Variants in ARHGAP29 observed in about 807,000 individuals in gnomAD.
ARHGAP29 encodes rho GTPase-activating protein 29.
Under a neutral mutation model 122.6 loss-of-function variants are expected in ARHGAP29, and 43 were observed. The ratio of observed to expected loss-of-function variants is 0.35; its 90% CI spans 0.27 to 0.45. The LOEUF (loss-of-function observed/expected upper bound fraction) is 0.45. ARHGAP29 is among the 20% of genes least tolerant of loss of function. The probability of loss-of-function intolerance (pLI) is 1.00; values close to 1 mark genes in which losing one functional copy is unlikely to be tolerated. For synonymous variants in ARHGAP29, 506 were observed against 497.1 expected (o/e 1.02, Z -0.24); for missense variants, 1,303 against 1,477.2 (o/e 0.88, Z 1.93).
At chr1:94,211,278 C>G (rs1324880161) in intron 3 of ARHGAP29, among the ~76,000 whole-genome samples, 5 of 94,946 alleles carry the variant, frequency 5.3e-5, no homozygotes, top group African/African-American at 1.7e-4. Context: ...CAGAGCAAGG[C>G]TCTGGCTCCA....
At chr1:94,276,365 G>GT (rs1277921037), upstream of ARHGAP29, among the ~76,000 whole-genome samples, 2 of 152,046 alleles carry the variant, frequency 1.3e-5, no homozygotes, top group African/African-American at 2.4e-5. Flanking sequence ...TAATAAGATG[G>GT]TCTGATGGGG....
intron 22 of ARHGAP29, among the ~76,000 whole-genome samples, chr1:94,175,968 G>A (rs903925727): frequency 6.6e-6 from 1 of 152,162 alleles, no homozygotes; most frequent in African/African-American, 2.4e-5. Flanking sequence ...CTCCCAAAGT[G>A]CCAGGATTAC....
intron 3 of ARHGAP29, among the ~76,000 whole-genome samples, chr1:94,209,721 A>T (rs1651463021): frequency 1.3e-5 from 2 of 152,192 alleles, no homozygotes; most frequent in Non-Finnish European, 2.9e-5. Flanking sequence ...GCTTTCTGGC[A>T]TTTTAAAAAA....
chr1:94,311,004 T>A, the ARHGAP29 span, among the ~76,000 whole-genome samples: 1 of 152,186 alleles, frequency 6.6e-6, no homozygotes, highest in African/African-American at 2.4e-5. Context: ...CATACCTGAT[T>A]AGTGGCTTTG....
At chr1:94,313,482 A>T in the ARHGAP29 span, among the ~76,000 whole-genome samples, 1 of 152,196 alleles carries the variant, frequency 6.6e-6, no homozygotes, top group Non-Finnish European at 1.5e-5. Context: ...TCAGGAAACA[A>T]CAGATGCTGG....
rs1648843284 is a variant in ARHGAP29 at position 94,173,023 on chromosome 1, C to T, written c.*846G>A. 1 of 152,496 alleles carries T rather than the reference C, an allele frequency of 6.6e-6. No individual in the cohort carries two copies. The highest frequency in any genetic ancestry group is 1.5e-5 in the Non-Finnish European group (1 of 67,996). The allele number at this position is 152,496 out of a possible 1,614,324, so 9.4% of individuals were successfully genotyped here. On this transcript the variant is annotated 3_prime_UTR_variant, in exon 23 of 23. Coordinates refer to ENST00000260526, the MANE Select transcript of ARHGAP29 (RefSeq NM_004815.4). ...CCCAGACAAATCAAGAGGAAATGCACTGAATTCAAAAACTTCTGAAACAGG... is the reference window on the plus strand; with the variant it reads ...CCCAGACAAATCAAGAGGAAATGCATTGAATTCAAAAACTTCTGAAACAGG...
intron 2 of ARHGAP29, among the ~76,000 whole-genome samples, chr1:94,221,357 GGTGTTTAATA>G (rs368376456): frequency 1.2e-3 from 179 of 151,896 alleles, no homozygotes; most frequent in African/African-American, 4.1e-3. Context: ...ACACAGCATT[GGTGTTTAATA>G]AGAGTTAATA....
chr1:94,178,301 G>A, intron 20 of ARHGAP29, 134 bp from the exon 21 acceptor site: 1 of 774,676 alleles, frequency 1.3e-6, no homozygotes, highest in South Asian at 2.1e-5. Context: ...TCTAGGAAAA[G>A]GTTATATTTA....
the ARHGAP29 span, among the ~76,000 whole-genome samples, chr1:94,282,660 C>G: frequency 6.6e-6 from 1 of 152,078 alleles, no homozygotes; most frequent in African/African-American, 2.4e-5. Context: ...GATTTGAGAG[C>G]CCCATAGTAT....
intron 12 of ARHGAP29, 146 bp from the exon 13 acceptor site, chr1:94,190,229 C>A: frequency 1.3e-6 from 1 of 765,638 alleles, no homozygotes; most frequent in Non-Finnish European, 1.9e-6. Flanking sequence ...ACTATGATGC[C>A]TGATTTTGCA....
intron 13 of ARHGAP29, 130 bp from the exon 14 acceptor site, chr1:94,189,482 C>T: frequency 9.0e-7 from 1 of 1,110,368 alleles, no homozygotes; most frequent in Non-Finnish European, 1.2e-6. Flanking sequence ...ATATTAAAAA[C>T]AAACCACACT....
chr1:94,310,784 G>T, the ARHGAP29 span, among the ~76,000 whole-genome samples: 2 of 152,012 alleles, frequency 1.3e-5, no homozygotes, highest in Non-Finnish European at 2.9e-5. Context: ...AGTGATAAAG[G>T]GGGGCAGGAG....
intron 1 of ARHGAP29, among the ~76,000 whole-genome samples, chr1:94,262,993 C>A (rs929702087): frequency 6.6e-6 from 1 of 152,150 alleles, no homozygotes; most frequent in African/African-American, 2.4e-5. Flanking sequence ...TGGAATCAAC[C>A]TAAATGCCCA....
At chr1:94,306,725 A>T in the ARHGAP29 span, among the ~76,000 whole-genome samples, 1 of 152,252 alleles carries the variant, frequency 6.6e-6, no homozygotes, top group Admixed American at 6.5e-5. Context: ...CAACATTTCC[A>T]GATTCCCCTG....
At chr1:94,233,947 A>G (rs1653095140) in intron 1 of ARHGAP29, among the ~76,000 whole-genome samples, 2 of 152,178 alleles carry the variant, frequency 1.3e-5, no homozygotes, top group Admixed American at 1.3e-4. Context: ...TCCTGTCTAT[A>G]TGTAATTCTA....
the ARHGAP29 span, among the ~76,000 whole-genome samples, chr1:94,286,365 T>C: frequency 6.6e-6 from 1 of 152,074 alleles, no homozygotes; most frequent in African/African-American, 2.4e-5. Context: ...ATACTATGGA[T>C]TGAAAATAAG....
At chr1:94,235,744 T>TC (rs1280626640) in intron 1 of ARHGAP29, among the ~76,000 whole-genome samples, 1 of 152,182 alleles carries the variant, frequency 6.6e-6, no homozygotes, top group Non-Finnish European at 1.5e-5. Context: ...CTCAAAGAAT[T>TC]CTCTAGCAAG....
At chr1:94,307,002 C>A in the ARHGAP29 span, among the ~76,000 whole-genome samples, 4 of 152,030 alleles carry the variant, frequency 2.6e-5, no homozygotes, top group Non-Finnish European at 5.9e-5. Context: ...AAAAGTTACA[C>A]CTCTCTTCAT....
rs574016258 is a variant in ARHGAP29 at position 94,220,378 on chromosome 1, C to G, written c.220G>C (p.Val74Leu). ...EAIFSDCFKE[V>L]IHIRLEELLR... Reference sequence around the variant, plus strand: ...AGTTCCTCTAGACGTATATGAATAACTTCTTTAAAACAGTCTTTAAAAAGA... The same window carrying G: ...AGTTCCTCTAGACGTATATGAATAAGTTCTTTAAAACAGTCTTTAAAAAGA... The change falls in exon 3 of 23, where the codon GTT becomes CTT. Residue 74 changes from valine to leucine, a missense_variant. Physicochemically the swap from Val to Leu is conservative, Grantham distance 32 (BLOSUM62 1). Coordinates refer to ENST00000260526, the MANE Select transcript of ARHGAP29 (RefSeq NM_004815.4). 4.5e-5 allele frequency: 72 copies of G among 1,600,932 alleles called. No individual in the cohort carries two copies. In the South Asian group the frequency reaches 6.2e-4, roughly 14 times the overall value.
Sources: allele counts gnomAD v4.1 joint callset (sites outside exome capture counted in the v4.1 genomes callset), GRCh38; gene constraint gnomAD v4.1.1; transcripts MANE v1.5; gene names NCBI Gene and HGNC (gene_info 2026-07-23, HGNC 2026-07-21).